The following IQSEC1 variants were observed in gnomAD, a reference collection of about 807,000 sequenced individuals.
IQSEC1 encodes the protein IQ motif and SEC7 domain-containing protein 1.
In IQSEC1, 31 loss-of-function variants were observed where a neutral mutation model predicts 91.0. The ratio of observed to expected loss-of-function variants is 0.34; its 90% confidence interval spans 0.26 to 0.46. The LOEUF (loss-of-function observed/expected upper bound fraction) is 0.46. IQSEC1 is among the 20% of genes least tolerant of loss of function. The pLI is 1.00. For synonymous variants in IQSEC1, 699 were observed against 662.6 expected, an observed-to-expected ratio of 1.05 and a Z score of -0.84; for missense variants, 1,388 against 1,575.6, an observed-to-expected ratio of 0.88 and a Z score of 2.02.
rs1702045067 is a variant in IQSEC1, at chr3:12,992,739, T to G, written c.24-50874A>C. The stretch of plus-strand genomic sequence containing the variant: ...GAGCCGACTGCTGTCCTTGTGAGCC[T>G]CATCTCCTGGACAAGGCCAGGGGGA... On this transcript the variant is annotated intron_variant, in intron 1 of 13. Coordinates refer to ENST00000613206, the MANE Select transcript of IQSEC1 (RefSeq NM_001134382.3). This position sits in a 1 kb window ranked among gnomAD's most constrained non-coding sequence, Gnocchi z 4.1. Among the ~76,000 whole-genome samples the G allele has an allele frequency of 6.6e-6, 1 of 152,112 alleles. No homozygotes were observed. The highest frequency in any genetic ancestry group is 1.5e-5 in the Non-Finnish European group (1 of 68,036).
chr3:13,201,218 C>T (rs1694239599), intron 1 of IQSEC1, among the ~76,000 whole-genome samples: 1 of 152,244 alleles, frequency 6.6e-6, no homozygotes, highest in Admixed American at 6.5e-5. Context: ...GGAGCTCAGA[C>T]TCCAAGCTCC....
intron 1 of IQSEC1, among the ~76,000 whole-genome samples, chr3:13,255,172 C>T (rs1019463345): frequency 2.6e-5 from 4 of 152,222 alleles, no homozygotes; most frequent in Admixed American, 1.3e-4. Flanking sequence ...ACAGAGAACA[C>T]GCATGGCTGA....
chr3:13,188,742 G>C (rs1311264552), intron 1 of IQSEC1, among the ~76,000 whole-genome samples: 1 of 152,218 alleles, frequency 6.6e-6, no homozygotes, highest in Non-Finnish European at 1.5e-5. Context: ...GCCTGGAGCT[G>C]TCAGACCACT....
chr3:13,141,417 G>A (rs1226172997), intron 2 of IQSEC1, among the ~76,000 whole-genome samples: 1 of 152,214 alleles, frequency 6.6e-6, no homozygotes, highest in Non-Finnish European at 1.5e-5. Context: ...CCGTCTCCCG[G>A]GGAGTCCAGA....
intron 1 of IQSEC1, among the ~76,000 whole-genome samples, chr3:13,226,517 C>T (rs1480742167): frequency 2.0e-5 from 3 of 150,908 alleles, no homozygotes; most frequent in Non-Finnish European, 4.4e-5. Flanking sequence ...TTTGGGAGGC[C>T]AAGGCAGGAG....
chr3:12,945,653 C>A (rs769792418), intron 1 of IQSEC1, among the ~76,000 whole-genome samples: 1 of 152,166 alleles, frequency 6.6e-6, no homozygotes, highest in Non-Finnish European at 1.5e-5. Flanking sequence ...CAAAAGTGAG[C>A]ACAGTGTGGA....
At chr3:13,014,324 C>T (rs879258847) in intron 1 of IQSEC1, among the ~76,000 whole-genome samples, 2 of 152,204 alleles carry the variant, frequency 1.3e-5, no homozygotes, top group African/African-American at 2.4e-5. Context: ...ACAACAACCC[C>T]GGAAGGGAGG....
chr3:13,055,959 C>T (rs1207846774), intron 1 of IQSEC1, among the ~76,000 whole-genome samples: 2 of 152,126 alleles, frequency 1.3e-5, no homozygotes, highest in Non-Finnish European at 2.9e-5. Flanking sequence ...GTAGCACCAC[C>T]GAGATGTCCC....
chr3:12,989,609 C>T (rs2125622726), intron 1 of IQSEC1, among the ~76,000 whole-genome samples: 1 of 152,290 alleles, frequency 6.6e-6, no homozygotes, highest in East Asian at 1.9e-4. Context: ...CACAGAAAGG[C>T]TGAACCCCAT....
chr3:13,158,891 G>A (rs1707124163), intron 2 of IQSEC1, among the ~76,000 whole-genome samples: 1 of 152,134 alleles, frequency 6.6e-6, no homozygotes, highest in African/African-American at 2.4e-5. Flanking sequence ...GAACCCAGGA[G>A]GCGGAGGTTG....
chr3:12,899,071 C>A lies in IQSEC1; in HGVS notation c.*1912G>T. On this transcript the variant is annotated 3_prime_UTR_variant, in exon 14 of 14. Coordinates refer to ENST00000613206, the MANE Select transcript of IQSEC1 (RefSeq NM_001134382.3). ...GTCACATTTTTAAAAAGGCTAAACT[C>A]TAGATTGCTGTATTTGCTCTCTCTG... 1 of 403,336 alleles carries A rather than the reference C, an allele frequency of 2.5e-6. No homozygotes were observed. The highest frequency in any genetic ancestry group is 4.6e-6 in the Non-Finnish European group (1 of 219,572). The allele number at this position is 403,336 out of a possible 1,614,324, so 25.0% of individuals were successfully genotyped here. A position where few individuals can be genotyped will look rare whatever the true frequency, so the allele number is the denominator to read the frequency against.
Position 12,984,229 on chromosome 3 carries a change from G to A in IQSEC1, c.24-42364C>T, listed in dbSNP as rs995592484. ...TGGGGTTACCAGCAGAGTCCCTGGA[G>A]GGAGATTCTAGACAACTGAGCACAG... On this transcript the variant is annotated intron_variant, in intron 1 of 13. Coordinates refer to ENST00000613206, the MANE Select transcript of IQSEC1 (RefSeq NM_001134382.3). Among the ~76,000 whole-genome samples, 6 of 152,310 alleles carry A rather than the reference G, an allele frequency of 3.9e-5. No homozygotes were observed. In the East Asian group the frequency reaches 9.6e-4, roughly 24 times the overall value.
Position 12,909,550 on chromosome 3 carries a change from G to T in IQSEC1, c.2417-116C>A. ...AGTTGTGCGTGAGCCTGGGATAAGT[G>T]CCGGGAGTCCAGCCTCCGCAGTGGC... On this transcript the variant is annotated intron_variant, in intron 10 of 13. Transcript: ENST00000613206. The surrounding 1 kb of genome is among the most constrained non-coding windows in gnomAD (Gnocchi z 4.9). The T allele has an allele frequency of 9.5e-7, 1 of 1,052,002 alleles. No individual in the cohort carries two copies. The highest frequency in any genetic ancestry group is 1.4e-6 in the Non-Finnish European group (1 of 718,418). 65.2% of individuals were successfully genotyped at this position (1,052,002 alleles called of 1,614,324 possible). A position where few individuals can be genotyped will look rare whatever the true frequency, so the allele number is the denominator to read the frequency against.
At chr3:13,057,366 C>T (rs1481108390) in intron 1 of IQSEC1, among the ~76,000 whole-genome samples, 1 of 152,214 alleles carries the variant, frequency 6.6e-6, no homozygotes, top group African/African-American at 2.4e-5. Flanking sequence ...AATCTTGGCC[C>T]TGTAGACTTT....
At chr3:13,244,334 A>G (rs891955708) in intron 1 of IQSEC1, among the ~76,000 whole-genome samples, 11 of 152,176 alleles carry the variant, frequency 7.2e-5, no homozygotes, top group Non-Finnish European at 1.3e-4. Context: ...CTGATAATTT[A>G]ATACTACCAT....
At chr3:13,273,029 T>C (rs571642123) in intron 1 of IQSEC1, among the ~76,000 whole-genome samples, 1 of 152,208 alleles carries the variant, frequency 6.6e-6, no homozygotes, top group Non-Finnish European at 1.5e-5. Context: ...AGTGGCTCTG[T>C]GCACAGTTAC....
At chr3:13,180,989 A>G (rs1430720332) in intron 1 of IQSEC1, among the ~76,000 whole-genome samples, 1 of 152,214 alleles carries the variant, frequency 6.6e-6, no homozygotes, top group Non-Finnish European at 1.5e-5. Context: ...TATATGAAGC[A>G]GGCTGGGCGC....
At chr3:13,164,127 T>G (rs185021017) in exon 2 of IQSEC1, among the ~76,000 whole-genome samples, 1 of 152,262 alleles carries the variant, frequency 6.6e-6, no homozygotes, top group East Asian at 1.9e-4. Context: ...AGCTTTCTCC[T>G]TCAGACCTGC....
intron 1 of IQSEC1, among the ~76,000 whole-genome samples, chr3:13,180,153 C>T (rs910315062): frequency 6.6e-5 from 10 of 152,224 alleles, no homozygotes; most frequent in Non-Finnish European, 1.2e-4. Flanking sequence ...CAGTGCGGAT[C>T]CACTGGGTGA....
Sources: allele counts gnomAD v4.1 joint callset (sites outside exome capture counted in the v4.1 genomes callset), GRCh38; gene constraint gnomAD v4.1.1; non-coding constraint Gnocchi (gnomAD v3.1); transcripts MANE v1.5; gene names NCBI Gene and HGNC (gene_info 2026-07-23, HGNC 2026-07-21).